Variants in DGKI observed in about 807,000 individuals in gnomAD.
DGKI encodes the protein DAG kinase iota.
In DGKI, 55 loss-of-function variants were observed where a neutral mutation model predicts 147.5. The observed-to-expected ratio is 0.37, with a 90% CI of 0.30 to 0.47. DGKI has a LOEUF of 0.47. DGKI is among the 20% of genes least tolerant of loss of function. The probability of loss-of-function intolerance (pLI) is 1.00; values close to 1 mark genes in which losing one functional copy is unlikely to be tolerated. For missense variants in DGKI, 1,007 were observed against 1,323.8 expected (o/e 0.76, Z 3.71); for synonymous variants, 469 against 477.1 (o/e 0.98, Z 0.22).
intron 27 of DGKI, chr7:137,454,765 G>C (rs1397471307): frequency 6.6e-6 from 1 of 152,212 alleles, no homozygotes; most frequent in Non-Finnish European, 1.5e-5. Flanking sequence ...CGGAGAGCCA[G>C]GAGGAAGGAC....
chr7:137,391,406 A>C, intron 32 of DGKI, 70 bp from the exon 33 acceptor site: 1 of 1,071,216 alleles, frequency 9.3e-7, no homozygotes, highest in South Asian at 1.6e-5. Flanking sequence ...GTGAAATACA[A>C]AAACAAAAAA....
chr7:137,639,870 A>T (rs952305044), intron 6 of DGKI, among the ~76,000 whole-genome samples: 1 of 152,172 alleles, frequency 6.6e-6, no homozygotes, highest in Non-Finnish European at 1.5e-5. Flanking sequence ...AATTTACATT[A>T]AAAAACTGTA....
intron 28 of DGKI, among the ~76,000 whole-genome samples, chr7:137,441,636 G>A (rs116837877): frequency 0.012 from 1,770 of 152,218 alleles, 37 homozygotes; most frequent in African/African-American, 0.041. Context: ...GTTATTGGAC[G>A]TTGCAAAATT....
intron 21 of DGKI, among the ~76,000 whole-genome samples, chr7:137,517,341 G>A (rs868529152): frequency 1.1e-3 from 94 of 87,842 alleles, no homozygotes; most frequent in Non-Finnish European, 1.1e-3. Context: ...GAAAGAAAGA[G>A]AAAGAAAGAA....
intron 23 of DGKI, among the ~76,000 whole-genome samples, chr7:137,480,169 C>A (rs1472478969): frequency 6.6e-6 from 1 of 152,148 alleles, no homozygotes; most frequent in Non-Finnish European, 1.5e-5. Flanking sequence ...AGACAACAGA[C>A]CTGACCCTAG....
chr7:137,511,941 G>T lies in DGKI; in HGVS notation c.2248+9925C>A, dbSNP rs367669635. Among the ~76,000 whole-genome samples the T allele has an allele frequency of 3.9e-5, 6 of 152,162 alleles. No individual in the cohort carries two copies. The East Asian group carries it at 1.2e-3, about 29-fold the overall frequency. The stretch of plus-strand genomic sequence containing the variant: ...TCAAAATGGCTGTCCCAGGTCCAAA[G>T]GTCCCTGTGGGAGTCCTCAGTTGTG... On this transcript the variant is annotated intron_variant, in intron 21 of 32. Coordinates refer to ENST00000614521, the MANE Select transcript of DGKI (RefSeq NM_001321708.2).
At chr7:137,839,810 C>T (rs1252236106) in intron 1 of DGKI, among the ~76,000 whole-genome samples, 2 of 152,136 alleles carry the variant, frequency 1.3e-5, no homozygotes, top group Non-Finnish European at 2.9e-5. Flanking sequence ...TTTATCAGAA[C>T]ATTATTTATG....
intron 8 of DGKI, among the ~76,000 whole-genome samples, chr7:137,609,873 T>G (rs1225916515): frequency 4.6e-5 from 7 of 152,000 alleles, no homozygotes; most frequent in Admixed American, 2.0e-4. Context: ...ACAACACATG[T>G]TATACCTGCC....
At chr7:137,682,778 T>C (rs1326488963) in intron 2 of DGKI, among the ~76,000 whole-genome samples, 2 of 152,194 alleles carry the variant, frequency 1.3e-5, no homozygotes, top group Non-Finnish European at 2.9e-5. Flanking sequence ...TCCTCCCACA[T>C]ACATTCCTCC....
chr7:137,513,586 T>C (rs1025192550), intron 21 of DGKI, among the ~76,000 whole-genome samples: 1 of 152,222 alleles, frequency 6.6e-6, no homozygotes, highest in Non-Finnish European at 1.5e-5. Flanking sequence ...AAACATGTCG[T>C]TAGGTGATTT....
At chr7:137,538,182 A>G (rs2128959944) in intron 20 of DGKI, among the ~76,000 whole-genome samples, 1 of 152,324 alleles carries the variant, frequency 6.6e-6, no homozygotes, top group Middle Eastern at 3.4e-3. Context: ...TGTTTTCTTC[A>G]ATTGTGAAGA....
chr7:137,559,853 A>T, intron 19 of DGKI, among the ~76,000 whole-genome samples: 1 of 152,210 alleles, frequency 6.6e-6, no homozygotes, highest in Non-Finnish European at 1.5e-5. Context: ...TTCCTCTAAA[A>T]TCTGCAATAT....
chr7:137,670,767 C>T (rs1480209078), intron 3 of DGKI, among the ~76,000 whole-genome samples: 1 of 152,172 alleles, frequency 6.6e-6, no homozygotes, highest in African/African-American at 2.4e-5. Flanking sequence ...ACACGTGGTT[C>T]CCTCTGACAG....
At chr7:137,491,947 G>A (rs1488686051) in intron 21 of DGKI, among the ~76,000 whole-genome samples, 3 of 152,168 alleles carry the variant, frequency 2.0e-5, no homozygotes, top group East Asian at 3.9e-4. Context: ...CTAGAAAAGG[G>A]TAGAGAAATC....
At chr7:137,608,635 A>C (rs1204335547) in intron 10 of DGKI, among the ~76,000 whole-genome samples, 1 of 152,172 alleles carries the variant, frequency 6.6e-6, no homozygotes, top group Non-Finnish European at 1.5e-5. Context: ...CCTCCTAACT[A>C]TAAGAATTGA....
In DGKI at chr7:137,384,712, G is replaced by A. The variant is rs1035861857; in HGVS notation, c.*6508C>T. 2.6e-5 allele frequency: 4 copies of A among 151,988 alleles called. No homozygotes were observed. Among genetic ancestry groups the A allele is most frequent in the East Asian group, 1.9e-4 (1 of 5,196 alleles). 9.4% of individuals were successfully genotyped at this position (151,988 alleles called of 1,614,324 possible). On this transcript the variant is annotated 3_prime_UTR_variant, in exon 33 of 33. Coordinates refer to ENST00000614521, the MANE Select transcript of DGKI (RefSeq NM_001321708.2). ...AACGCTAAAGCACTTTTTAATTCTTGAAACTGTTCTTAACAAACAGTATAG... is the reference window on the plus strand; with the variant it reads ...AACGCTAAAGCACTTTTTAATTCTTAAAACTGTTCTTAACAAACAGTATAG...
chr7:137,716,189 T>G (rs1174090365), intron 1 of DGKI, among the ~76,000 whole-genome samples: 1 of 152,228 alleles, frequency 6.6e-6, no homozygotes, highest in Non-Finnish European at 1.5e-5. Flanking sequence ...AATAGGAAAT[T>G]CAATGTTATA....
chr7:137,621,712 T>C (rs890006508), intron 7 of DGKI, among the ~76,000 whole-genome samples: 1 of 152,224 alleles, frequency 6.6e-6, no homozygotes, highest in African/African-American at 2.4e-5. Context: ...AAAGTTGTCC[T>C]TTGTAGTGAT....
chr7:137,539,676 G>T (rs1005511532), intron 20 of DGKI, among the ~76,000 whole-genome samples: 1 of 151,388 alleles, frequency 6.6e-6, no homozygotes. Flanking sequence ...ATAAATAAAA[G>T]ATTCCACTTT....
Sources: allele counts gnomAD v4.1 joint callset (sites outside exome capture counted in the v4.1 genomes callset), GRCh38; gene constraint gnomAD v4.1.1; transcripts MANE v1.5; gene names NCBI Gene and HGNC (gene_info 2026-07-23, HGNC 2026-07-21).